P2RY8: variants seen among roughly 807,000 people sequenced by gnomAD.
The protein encoded by P2RY8 is S-geranylgeranyl-glutathione receptor P2RY8.
Under a neutral mutation model 10.0 loss-of-function variants are expected in P2RY8, and 6 were observed. The observed-to-expected ratio is 0.60, with a 90% confidence interval of 0.33 to 1.19. P2RY8 has a LOEUF of 1.19. Among genes scored for constraint, P2RY8 ranks in the 50% most tolerant of loss-of-function variants. P2RY8 has a pLI of 0.04. For missense variants in P2RY8, 456 were observed against 542.0 expected, an observed-to-expected ratio of 0.84 and a Z score of 1.58; for synonymous variants, 276 against 252.5, an observed-to-expected ratio of 1.09 and a Z score of -0.88.
At chrX:1,504,252 G>C (rs1199794432) in intron 1 of P2RY8, among the ~76,000 whole-genome samples, 1 of 151,456 alleles carries the variant, frequency 6.6e-6, no homozygotes, top group Non-Finnish European at 1.5e-5. Context: ...GGAGGCGGAG[G>C]TTGCGGTGAG....
intron 1 of P2RY8, among the ~76,000 whole-genome samples, chrX:1,519,250 A>G (rs770869310): frequency 2.6e-5 from 4 of 151,312 alleles, no homozygotes; most frequent in African/African-American, 9.7e-5. Flanking sequence ...CTTGTCCCCA[A>G]TAATCTCTCT....
intron 1 of P2RY8, among the ~76,000 whole-genome samples, chrX:1,469,787 T>C (rs1220333057): frequency 1.3e-5 from 2 of 151,870 alleles, no homozygotes; most frequent in African/African-American, 4.8e-5. Context: ...GAGTCCCAGC[T>C]ACTCGGGAGG....
At chrX:1,527,704 T>C in intron 1 of P2RY8, among the ~76,000 whole-genome samples, 1 of 148,866 alleles carries the variant, frequency 6.7e-6, no homozygotes, top group Non-Finnish European at 1.5e-5. Context: ...CATTTACTCA[T>C]CTATCCATCC....
At chrX:1,509,026 C>CCATCCATT (rs1282878067) in intron 1 of P2RY8, among the ~76,000 whole-genome samples, 2 of 151,848 alleles carry the variant, frequency 1.3e-5, no homozygotes, top group African/African-American at 4.8e-5. Flanking sequence ...ATCCATCCAT[C>CCATCCATT]CATCCATCCA....
chrX:1,491,042 T>C lies in P2RY8; in HGVS notation c.-24-24460A>G, dbSNP rs2092042409. Among the ~76,000 whole-genome samples, 3 of 149,582 alleles carry C rather than the reference T, an allele frequency of 2.0e-5. No homozygotes were observed. The South Asian group carries it at 6.4e-4, about 32-fold the overall frequency. ...ATGAATGATACCCCAGATTCACTTCTGCAAATGTAGAGAGAATGAATGAAT... is the reference window on the plus strand; with the variant it reads ...ATGAATGATACCCCAGATTCACTTCCGCAAATGTAGAGAGAATGAATGAAT... On this transcript the variant is annotated intron_variant, in intron 1 of 1. Coordinates refer to ENST00000381297, the MANE Select transcript of P2RY8 (RefSeq NM_178129.5).
At chrX:1,493,401 GAGGAAGGAGGAGGA>G (rs1470907486) in intron 1 of P2RY8, among the ~76,000 whole-genome samples, 2 of 21,794 alleles carry the variant, frequency 9.2e-5, no homozygotes, top group African/African-American at 1.0e-4. Flanking sequence ...GGGAGGGAAG[GAGGAAGGAGGAGGA>G]AGGAGGAAGG....
chrX:1,466,548 G>A lies in P2RY8; in HGVS notation c.11C>T (p.Pro4Leu). 6.2e-7 allele frequency: 1 copy of A among 1,605,990 alleles called. No individual in the cohort carries two copies. Among genetic ancestry groups the A allele is most frequent in the South Asian group, 1.1e-5 (1 of 90,798 alleles). ...CGCGTTGTCCGGGCCGGTGCTGTTC[G>A]GGACCTGCATCCTGGAGGGGTCCTC... is the stretch of plus-strand genomic sequence containing the variant. MQV[P>L]NSTGPDNATL... Residue 4 changes from proline (P) to leucine (L), a missense_variant, in exon 2 of 2, where the codon CCG becomes CTG. By Grantham distance (98) the Pro-to-Leu change is moderately conservative. Coordinates refer to ENST00000381297, the MANE Select transcript of P2RY8 (RefSeq NM_178129.5).
intron 1 of P2RY8, among the ~76,000 whole-genome samples, chrX:1,535,131 C>T (rs149224825): frequency 0.011 from 1,727 of 150,714 alleles, 10 homozygotes; most frequent in Non-Finnish European, 0.015. Flanking sequence ...GACGCTGGCA[C>T]CTGTCTGGCA....
At chrX:1,525,646 T>C (rs2092434953) in intron 1 of P2RY8, among the ~76,000 whole-genome samples, 2 of 152,174 alleles carry the variant, frequency 1.3e-5, no homozygotes, top group Non-Finnish European at 2.9e-5. Context: ...CATTCATCCA[T>C]CCATCCACCC....
chrX:1,516,366 C>A (rs1176304882), intron 1 of P2RY8, among the ~76,000 whole-genome samples: 1 of 151,796 alleles, frequency 6.6e-6, no homozygotes, highest in Non-Finnish European at 1.5e-5. Context: ...GTCTACAAGC[C>A]CAGGAGAGAG....
At chrX:1,505,996 TTTTTTTTTTTTTTTGACACAGAGTCACA>T (rs1256496662) in intron 1 of P2RY8, among the ~76,000 whole-genome samples, 1 of 144,798 alleles carries the variant, frequency 6.9e-6, no homozygotes, top group Non-Finnish European at 1.5e-5. Flanking sequence ...TCTTTTTTTT[TTTTTTTTTTTTTTTGACACAGAGTCACA>T]CTCCGTCACC....
Position 1,465,385 on chromosome X carries a change from G to C in P2RY8, c.*94C>G. 3.3e-6 allele frequency: 5 copies of C among 1,505,330 alleles called. No homozygotes were observed. The highest frequency in any genetic ancestry group is 4.4e-6 in the Non-Finnish European group (5 of 1,135,120). 93.2% of individuals were successfully genotyped at this position (1,505,330 alleles called of 1,614,324 possible). ...CTCTGCAGTGCCTGGGAGCAACGCA[G>C]CTGTTCTCCCTGAACCTCTGGCACC... is the stretch of plus-strand genomic sequence containing the variant. On this transcript the variant is annotated 3_prime_UTR_variant, in exon 2 of 2. Transcript: ENST00000381297.
intron 1 of P2RY8, among the ~76,000 whole-genome samples, chrX:1,475,625 A>C (rs1209973280): frequency 6.6e-6 from 1 of 152,158 alleles, no homozygotes; most frequent in African/African-American, 2.4e-5. Flanking sequence ...ATCATACCAA[A>C]TAAAAGAGAG....
intron 1 of P2RY8, among the ~76,000 whole-genome samples, chrX:1,490,759 C>T (rs28719859): frequency 0.026 from 3,747 of 146,384 alleles, 108 homozygotes; most frequent in African/African-American, 0.069. Context: ...ATGAATGATA[C>T]CCCAGATTCA....
chrX:1,515,939 C>T (rs1434658460), intron 1 of P2RY8, among the ~76,000 whole-genome samples: 483 of 35,448 alleles, frequency 0.014, 11 homozygotes, highest in Non-Finnish European at 0.03. Context: ...TTTGGGAGGC[C>T]GAGGGGTCGG....
At chrX:1,501,743 A>C (rs28479468) in intron 1 of P2RY8, among the ~76,000 whole-genome samples, 35,615 of 150,784 alleles carry the variant, frequency 0.24, 4,352 homozygotes, top group Middle Eastern at 0.38. Flanking sequence ...ACAGGCGCGC[A>C]CCACCACGCC....
intron 1 of P2RY8, among the ~76,000 whole-genome samples, chrX:1,524,145 C>A (rs1356452988): frequency 6.6e-6 from 1 of 152,124 alleles, no homozygotes; most frequent in South Asian, 2.1e-4. Context: ...TGCAATGTAG[C>A]GATGGGGTAG....
rs186731870 is a variant in P2RY8, at chrX:1,528,523, G to C, written c.-25+8398C>G. 2.6e-3 allele frequency among the ~76,000 whole-genome samples: 392 copies of C among 152,328 alleles called. 2 individuals are homozygous for C. The highest frequency in any genetic ancestry group is 8.5e-3 in the African/African-American group (352 of 41,570). ...CTTCAAAACCACTTTAAACGTCCCA[G>C]GGAAGCCCGGAGGAGCAAGTGCTTC... is the stretch of plus-strand genomic sequence containing the variant. On this transcript the variant is annotated intron_variant, in intron 1 of 1. Coordinates refer to ENST00000381297, the MANE Select transcript of P2RY8 (RefSeq NM_178129.5).
intron 1 of P2RY8, among the ~76,000 whole-genome samples, chrX:1,503,405 A>G (rs28405945): frequency 0.96 from 146,131 of 152,272 alleles, 70,401 homozygotes; most frequent in East Asian, 1. Context: ...TTTTAATGTT[A>G]CTACTGAACA....
Sources: gnomAD v4.1 joint callset for allele counts (sites outside exome capture counted in the v4.1 genomes callset) on GRCh38, gnomAD v4.1.1 for gene constraint, MANE v1.5 for transcripts, NCBI Gene and HGNC (gene_info 2026-07-23, HGNC 2026-07-21) for gene names.